Variants in TRAPPC9 observed in about 807,000 individuals in gnomAD.
TRAPPC9 encodes the protein IKK2 binding protein.
Under a neutral mutation model 124.0 loss-of-function variants are expected in TRAPPC9, and 83 were observed. That is an observed-to-expected ratio of 0.67 (90% confidence interval 0.56 to 0.80). The LOEUF (loss-of-function observed/expected upper bound fraction) is 0.80, where lower values mean the gene tolerates loss of function less well. Among genes scored for constraint, TRAPPC9 ranks in the 30% least tolerant of loss-of-function variants. The pLI is 0.00. For synonymous variants in TRAPPC9, 638 were observed against 617.5 expected (o/e 1.03, Z -0.49); for missense variants, 1,302 against 1,508.3 (o/e 0.86, Z 2.27).
At chr8:140,124,723 G>C (rs1359371700) in intron 17 of TRAPPC9, among the ~76,000 whole-genome samples, 1 of 151,916 alleles carries the variant, frequency 6.6e-6, no homozygotes, top group Non-Finnish European at 1.5e-5. Context: ...CCCTCCGAGG[G>C]GAGGACCAAA....
intron 21 of TRAPPC9, among the ~76,000 whole-genome samples, chr8:139,881,488 C>T (rs1246484609): frequency 1.3e-5 from 2 of 152,122 alleles, no homozygotes; most frequent in East Asian, 1.9e-4. Context: ...CCTGCTGAAG[C>T]GGGAATTATG....
At chr8:140,033,952 G>C (rs1018038272) in intron 17 of TRAPPC9, among the ~76,000 whole-genome samples, 3 of 152,062 alleles carry the variant, frequency 2.0e-5, no homozygotes, top group African/African-American at 7.2e-5. Context: ...AAAGTGCTGG[G>C]ATTACAGGCA....
chr8:139,862,140 G>C (rs959385957), intron 21 of TRAPPC9, among the ~76,000 whole-genome samples: 1 of 152,260 alleles, frequency 6.6e-6, no homozygotes, highest in African/African-American at 2.4e-5. Flanking sequence ...GGTTCTGTAA[G>C]GTCATGGTCA....
At chr8:140,175,048 A>T (rs1398778107) in intron 17 of TRAPPC9, among the ~76,000 whole-genome samples, 1 of 151,686 alleles carries the variant, frequency 6.6e-6, no homozygotes, top group African/African-American at 2.4e-5. Context: ...GATACTTAAA[A>T]ACCTCTTTAG....
intron 19 of TRAPPC9, among the ~76,000 whole-genome samples, chr8:139,912,833 C>T (rs571696880): frequency 6.6e-6 from 1 of 152,332 alleles, no homozygotes; most frequent in East Asian, 1.9e-4. Flanking sequence ...TCTAATTTTC[C>T]ACCCAGCAAA....
intron 17 of TRAPPC9, among the ~76,000 whole-genome samples, chr8:140,207,417 T>C (rs748650561): frequency 8.5e-5 from 13 of 152,244 alleles, no homozygotes; most frequent in Non-Finnish European, 1.6e-4. Flanking sequence ...TAAATGTCCT[T>C]ACCCAAAGCA....
chr8:139,900,298 G>A lies in TRAPPC9; in HGVS notation c.2964+9849C>T, dbSNP rs544375073. ...GGAGCACCCTTAGCCTTGTCATTCT[G>A]GTGAACACCCCCATCTTCTAGAGCT... is the stretch of plus-strand genomic sequence containing the variant. On this transcript the variant is annotated intron_variant, in intron 20 of 22. Transcript: ENST00000438773. 2.6e-5 allele frequency among the ~76,000 whole-genome samples: 4 copies of A among 152,226 alleles called. No individual in the cohort carries two copies. The South Asian group carries it at 8.3e-4, about 32-fold the overall frequency.
chr8:139,762,025 G>A (rs530140000), intron 21 of TRAPPC9, among the ~76,000 whole-genome samples: 8 of 151,684 alleles, frequency 5.3e-5, no homozygotes, highest in African/African-American at 1.9e-4. Flanking sequence ...TCTATAACCC[G>A]GCCCTGTCTG....
rs563963623 is a variant in TRAPPC9, at chr8:140,144,733, T to C, written c.2556+76726A>G. ...AACTCCTGACCTCAGGTGATCCACC[T>C]GCTTCAGCCTCCCAAAGTGCTGGGA... is the stretch of plus-strand genomic sequence containing the variant. On this transcript the variant is annotated intron_variant, in intron 17 of 22. Transcript: ENST00000438773. Among the ~76,000 whole-genome samples the C allele has an allele frequency of 4.5e-3, 682 of 151,718 alleles. 5 individuals are homozygous for C. Among genetic ancestry groups the C allele is most frequent in the African/African-American group, 0.016 (650 of 41,380 alleles).
At chr8:140,139,413 C>G (rs1032572580) in intron 17 of TRAPPC9, among the ~76,000 whole-genome samples, 6 of 152,170 alleles carry the variant, frequency 3.9e-5, no homozygotes, top group African/African-American at 1.4e-4. Context: ...ATTTCCGATC[C>G]AGCATTTCAC....
chr8:139,906,661 G>A (rs1182777037), intron 20 of TRAPPC9, among the ~76,000 whole-genome samples: 2 of 152,180 alleles, frequency 1.3e-5, no homozygotes, highest in Non-Finnish European at 2.9e-5. Flanking sequence ...TTGGTGACGG[G>A]TGGCCGCCTC....
intron 19 of TRAPPC9, among the ~76,000 whole-genome samples, chr8:139,918,025 G>C (rs116474035): frequency 2.4e-3 from 363 of 152,338 alleles, no homozygotes; most frequent in African/African-American, 8.0e-3. Flanking sequence ...TTTGCTCCAT[G>C]TAGGGCTAGA....
At chr8:140,189,086 C>T (rs1441926514) in intron 17 of TRAPPC9, among the ~76,000 whole-genome samples, 1 of 152,228 alleles carries the variant, frequency 6.6e-6, no homozygotes, top group East Asian at 1.9e-4. Context: ...CCAAATCCTT[C>T]TCACATCAAT....
chr8:140,454,378 C>T (rs1285172622), intron 1 of TRAPPC9, among the ~76,000 whole-genome samples: 1 of 152,128 alleles, frequency 6.6e-6, no homozygotes, highest in African/African-American at 2.4e-5. Flanking sequence ...GTGGCTCACA[C>T]CTGTAATCCC....
chr8:140,302,779 C>T (rs1282071965), intron 10 of TRAPPC9: 2 of 152,166 alleles, frequency 1.3e-5, no homozygotes, highest in Admixed American at 6.5e-5. Context: ...TCAAGTGCCT[C>T]GTGTGTATGA....
At chr8:139,900,831 GTC>G in intron 20 of TRAPPC9, among the ~76,000 whole-genome samples, 1 of 152,238 alleles carries the variant, frequency 6.6e-6, no homozygotes, top group East Asian at 1.9e-4. Context: ...TGTGACTGAA[GTC>G]TACCATGACC....
chr8:139,739,428 G>T (rs1563775296), intron 21 of TRAPPC9, among the ~76,000 whole-genome samples: 2 of 152,252 alleles, frequency 1.3e-5, no homozygotes, highest in Non-Finnish European at 2.9e-5. Flanking sequence ...CAGAATAAAA[G>T]AAAGTCTTGA....
intron 17 of TRAPPC9, among the ~76,000 whole-genome samples, chr8:140,185,252 C>T (rs1019827245): frequency 4.6e-5 from 7 of 152,194 alleles, no homozygotes; most frequent in Non-Finnish European, 1.0e-4. Flanking sequence ...CCTGCCCTCC[C>T]GGGGCTCTGA....
chr8:140,360,312 G>T, intron 8 of TRAPPC9, 119 bp from the exon 9 acceptor site: 1 of 1,300,762 alleles, frequency 7.7e-7, no homozygotes, highest in Non-Finnish European at 1.1e-6. Context: ...CAAACTCCAA[G>T]AGCAACAAAA....
Sources: allele counts gnomAD v4.1 joint callset (sites outside exome capture counted in the v4.1 genomes callset), GRCh38; gene constraint gnomAD v4.1.1; transcripts MANE v1.5; gene names NCBI Gene and HGNC (gene_info 2026-07-23, HGNC 2026-07-21).